MYCBP2: variants seen among roughly 807,000 people sequenced by gnomAD.
MYCBP2 encodes E3 ubiquitin-protein ligase MYCBP2.
A neutral mutation model predicts 525.3 loss-of-function variants in MYCBP2; 120 were observed. That is an observed-to-expected ratio of 0.23 (90% CI 0.20 to 0.27). The LOEUF (loss-of-function observed/expected upper bound fraction) is 0.27. Among genes scored for constraint, MYCBP2 ranks in the 10% least tolerant of loss-of-function variants. The pLI, the probability that MYCBP2 is intolerant of heterozygous loss-of-function variation, is 1.00. For missense variants in MYCBP2, 4,149 were observed against 5,657.1 expected (o/e 0.73, Z 8.55); for synonymous variants, 1,894 against 1,955.8 (o/e 0.97, Z 0.83).
In MYCBP2 at chr13:77,243,171, G is replaced by A. The variant is rs1477462152; in HGVS notation, c.2528-11C>T. 1 of 1,590,358 alleles carries A rather than the reference G, an allele frequency of 6.3e-7. No homozygotes were observed. On this transcript the variant is annotated splice_polypyrimidine_tract_variant and intron_variant, in intron 16 of 82. Coordinates refer to ENST00000544440, the MANE Select transcript of MYCBP2 (RefSeq NM_015057.5). ...CGGGCACTGGGACAGCTAGATGATT[G>A]GCCAAAAACAACAACAACAACAACA...
At chr13:77,290,258 T>G (rs1201441710) in intron 2 of MYCBP2, among the ~76,000 whole-genome samples, 3 of 152,210 alleles carry the variant, frequency 2.0e-5, no homozygotes, top group African/African-American at 7.2e-5. Context: ...TATACATTGC[T>G]GATGGTCATG....
intron 33 of MYCBP2, among the ~76,000 whole-genome samples, chr13:77,181,229 T>A (rs527736796): frequency 1.3e-5 from 2 of 152,202 alleles, no homozygotes; most frequent in Middle Eastern, 3.2e-3. Flanking sequence ...ATTTCCAGCA[T>A]GAAAATGATT....
chr13:77,251,517 C>G (rs534501215), intron 14 of MYCBP2, among the ~76,000 whole-genome samples, 162 bp from the exon 15 acceptor site: 1 of 152,198 alleles, frequency 6.6e-6, no homozygotes, highest in East Asian at 1.9e-4. Flanking sequence ...AATTTAGGGA[C>G]CACTAATAAA....
intron 17 of MYCBP2, among the ~76,000 whole-genome samples, chr13:77,236,148 A>G (rs186416352): frequency 1.4e-3 from 215 of 152,348 alleles, no homozygotes; most frequent in Non-Finnish European, 2.4e-3. Context: ...CAAAGAAAAG[A>G]AGCCTCAGCT....
intron 66 of MYCBP2, 51 bp from the exon 67 acceptor site, chr13:77,077,438 T>C (rs540875900): frequency 1.1e-5 from 17 of 1,605,704 alleles, no homozygotes; most frequent in Non-Finnish European, 1.4e-5. Flanking sequence ...ATCACTTTTA[T>C]CACTGTGCTG....
In MYCBP2 at chr13:77,189,962, A is replaced by C. The variant is rs141855928; in HGVS notation, c.4154+290T>G. 5.5e-3 allele frequency among the ~76,000 whole-genome samples: 843 copies of C among 152,288 alleles called. 5 individuals are homozygous for C. The highest frequency in any genetic ancestry group is 0.019 in the African/African-American group (784 of 41,580). ...TCTTTTACAACATTTGAAATTAGTAAGAAAATCAATGGATAGATTTTTTTT... is the reference window on the plus strand; with the variant it reads ...TCTTTTACAACATTTGAAATTAGTACGAAAATCAATGGATAGATTTTTTTT... On this transcript the variant is annotated intron_variant, in intron 29 of 82. Transcript: ENST00000544440.
chr13:77,198,500 G>A (rs1593763621), intron 26 of MYCBP2, among the ~76,000 whole-genome samples: 1 of 152,326 alleles, frequency 6.6e-6, no homozygotes, highest in East Asian at 1.9e-4. Context: ...ATTTAATCGA[G>A]ATTTTTTTGT....
chr13:77,096,674 T>A (rs1316080417), intron 56 of MYCBP2, among the ~76,000 whole-genome samples, 193 bp from the exon 57 acceptor site: 1 of 152,140 alleles, frequency 6.6e-6, no homozygotes, highest in Non-Finnish European at 1.5e-5. Flanking sequence ...AATTAAATGA[T>A]GCCCCAAATA....
At chr13:77,120,181 C>T (rs2050442415) in intron 55 of MYCBP2, among the ~76,000 whole-genome samples, 1 of 151,842 alleles carries the variant, frequency 6.6e-6, no homozygotes, top group African/African-American at 2.4e-5. Flanking sequence ...TAAGAGTTGA[C>T]AAAGGTAAAG....
chr13:77,174,196 G>A (rs2059400019), intron 37 of MYCBP2, 115 bp downstream of exon 37: 1 of 825,892 alleles, frequency 1.2e-6, no homozygotes, highest in South Asian at 2.4e-5. Context: ...TATGTGCTAA[G>A]AAGATACACT....
At position 77,144,537 on chromosome 13, in the gene MYCBP2, C is replaced by T. The variant is rs889949364; in HGVS notation, c.7211G>A (p.Arg2404His). ...ACAATAAGTCCCATCATTATTGACA[C>T]GGATCAGCATATTCTCACTGGGTCT... The part of the protein sequence containing the change: ...PKRPSENMLI[R>H]VNNDGTYCAN... The change falls in exon 49 of 83, where the codon CGT (arginine) becomes CAT (histidine). Residue 2404 changes from arginine (R) to histidine (H), a missense_variant. Arg to His is a conservative substitution (Grantham distance 29). Around this residue, in one of 21 missense-constraint regions of MYCBP2, gnomAD observed 692 missense variants for 852.7 expected, o/e 0.81. Coordinates refer to ENST00000544440, the MANE Select transcript of MYCBP2 (RefSeq NM_015057.5). The T allele has an allele frequency of 1.7e-5, 27 of 1,613,122 alleles. No homozygotes were observed. The highest frequency in any genetic ancestry group is 3.3e-4 in the Middle Eastern group (2 of 6,074).
chr13:77,150,691 A>T (rs1245910786), intron 47 of MYCBP2, 43 bp downstream of exon 47: 1 of 1,554,876 alleles, frequency 6.4e-7, no homozygotes, highest in Non-Finnish European at 8.8e-7. Context: ...TAAATAAACA[A>T]ATGCTGAAAA....
Position 77,097,990 on chromosome 13 carries a change from A to G in MYCBP2, c.9164T>C (p.Leu3055Pro). 1 of 1,613,658 alleles carries G rather than the reference A, an allele frequency of 6.2e-7. No individual in the cohort carries two copies. The highest frequency in any genetic ancestry group is 8.5e-7 in the Non-Finnish European group (1 of 1,179,790). ...TTTGGAAAGTTCAGGATGAAACTTTAGGAAAGAAGAACAAGCCATTGCATC... is the reference window on the plus strand; with the variant it reads ...TTTGGAAAGTTCAGGATGAAACTTTGGGAAAGAAGAACAAGCCATTGCATC... ...VHDAMACSSF[L>P]KFHPELSKEH... Residue 3055 changes from leucine (L) to proline (P), a missense_variant, in exon 56 of 83, where the codon CTA becomes CCA. By Grantham distance (98) the Leu-to-Pro change is moderately conservative. Coordinates refer to ENST00000544440, the MANE Select transcript of MYCBP2 (RefSeq NM_015057.5).
At chr13:77,076,910 A>G (rs979025006) in intron 67 of MYCBP2, 61 bp from the exon 68 acceptor site, 2 of 1,291,950 alleles carry the variant, frequency 1.5e-6, no homozygotes, top group African/African-American at 1.5e-5. Flanking sequence ...TATTGGCCAG[A>G]GGACTCATTA....
rs545035877 is a variant in MYCBP2 at position 77,205,442 on chromosome 13, G to C, written c.3715+31C>G. The C allele has an allele frequency of 1.6e-4, 260 of 1,611,928 alleles. No individual in the cohort carries two copies. In the East Asian group the frequency reaches 5.7e-3, roughly 35 times the overall value. ...AGATCCATATATATTTCAGTTGTAA[G>C]ACAACATTTCCTAAACCGAAGTATA... is the stretch of plus-strand genomic sequence containing the variant. On this transcript the variant is annotated intron_variant, in intron 25 of 82. Coordinates refer to ENST00000544440, the MANE Select transcript of MYCBP2 (RefSeq NM_015057.5).
rs2036720061 is a variant in MYCBP2, at chr13:77,051,170, A to G, written c.13756-8T>C. On this transcript the variant is annotated splice_region_variant and splice_polypyrimidine_tract_variant and intron_variant, in intron 81 of 82. Coordinates refer to ENST00000544440, the MANE Select transcript of MYCBP2 (RefSeq NM_015057.5). Reference sequence around the variant, plus strand: ...GCCATGTTTGGGACACATCTATAGCAAAAGAGAAGAGACAGACACAAGATC... The same window carrying G: ...GCCATGTTTGGGACACATCTATAGCGAAAGAGAAGAGACAGACACAAGATC... 1 of 1,597,130 alleles carries G rather than the reference A, an allele frequency of 6.3e-7. No individual in the cohort carries two copies. The highest frequency in any genetic ancestry group is 1.4e-5 in the African/African-American group (1 of 73,650).
At chr13:77,065,428 A>G (rs1212297059) in intron 72 of MYCBP2, among the ~76,000 whole-genome samples, 2 of 152,080 alleles carry the variant, frequency 1.3e-5, no homozygotes, top group African/African-American at 4.8e-5. Context: ...CTGACTCTAC[A>G]TTCCATACTA....
At chr13:77,236,408 C>T (rs2067938535) in intron 17 of MYCBP2, among the ~76,000 whole-genome samples, 1 of 151,902 alleles carries the variant, frequency 6.6e-6, no homozygotes, top group South Asian at 2.1e-4. Context: ...ACAAGCCTTT[C>T]AGAAAGCTCT....
rs1457816403 is a variant in MYCBP2 at position 77,267,945 on chromosome 13, C to T, written c.1261-8G>A. 2.5e-6 allele frequency: 4 copies of T among 1,594,770 alleles called. No individual in the cohort carries two copies. The African/African-American group carries it at 4.0e-5, about 16-fold the overall frequency. Reference sequence around the variant, plus strand: ...TCTATATAATAAATAACCCTGATAACAGCAAAAAATTTTCCTGTTAAAATA... The same window carrying T: ...TCTATATAATAAATAACCCTGATAATAGCAAAAAATTTTCCTGTTAAAATA... On this transcript the variant is annotated splice_region_variant and splice_polypyrimidine_tract_variant and intron_variant, in intron 7 of 82. Transcript: ENST00000544440.
Sources: allele counts gnomAD v4.1 joint callset (sites outside exome capture counted in the v4.1 genomes callset), GRCh38; gene constraint gnomAD v4.1.1; regional missense constraint gnomAD v4.1.1; transcripts MANE v1.5; gene names NCBI Gene and HGNC (gene_info 2026-07-23, HGNC 2026-07-21).